TASP1: variants seen among roughly 807,000 people sequenced by gnomAD.
TASP1 encodes the protein threonine aspartase 1.
Under a neutral mutation model 56.6 loss-of-function variants are expected in TASP1, and 16 were observed. The ratio of observed to expected loss-of-function variants is 0.28; its 90% CI spans 0.19 to 0.43. The LOEUF is 0.43. Ranked by LOEUF, TASP1 falls within the 20% of genes least tolerant of loss-of-function variation. The probability of loss-of-function intolerance (pLI) is 1.00; values close to 1 mark genes in which losing one functional copy is unlikely to be tolerated. For missense variants in TASP1, 393 were observed against 511.6 expected, an observed-to-expected ratio of 0.77 and a Z score of 2.24; for synonymous variants, 179 against 184.2, an observed-to-expected ratio of 0.97 and a Z score of 0.23.
intron 4 of TASP1, among the ~76,000 whole-genome samples, chr20:13,607,012 T>C (rs960716937): frequency 1.3e-5 from 2 of 152,114 alleles, no homozygotes; most frequent in Non-Finnish European, 2.9e-5. Context: ...TACAGGTTGC[T>C]CCTATAGAGA....
intron 11 of TASP1, among the ~76,000 whole-genome samples, chr20:13,458,766 G>C (rs1002092215): frequency 6.6e-6 from 1 of 152,164 alleles, no homozygotes; most frequent in South Asian, 2.1e-4. Flanking sequence ...GTTCATGTTA[G>C]TTAACGCCAC....
At chr20:13,378,987 C>G in the TASP1 span, among the ~76,000 whole-genome samples, 1 of 152,286 alleles carries the variant, frequency 6.6e-6, no homozygotes, top group Non-Finnish European at 1.5e-5. Context: ...TGAGATGGGT[C>G]TCCTGAATAC....
rs757522818 is a variant in TASP1, at chr20:13,526,497, C to T, written c.874+1936G>A. 3.7e-4 allele frequency among the ~76,000 whole-genome samples: 57 copies of T among 152,228 alleles called. No individual in the cohort carries two copies. The Middle Eastern group carries it at 0.02, about 55-fold the overall frequency. On this transcript the variant is annotated intron_variant, in intron 10 of 13. Coordinates refer to ENST00000337743, the MANE Select transcript of TASP1 (RefSeq NM_017714.3). Reference sequence around the variant, plus strand: ...CATTATGCATCAAGGTTTTCATGTGCCACCAATATTAAATTAAAATTTAAA... The same window carrying T: ...CATTATGCATCAAGGTTTTCATGTGTCACCAATATTAAATTAAAATTTAAA...
intron 2 of TASP1, among the ~76,000 whole-genome samples, chr20:13,626,730 G>T (rs1215664350): frequency 6.6e-6 from 1 of 152,180 alleles, no homozygotes; most frequent in Admixed American, 6.5e-5. Flanking sequence ...GGTTCTCTAA[G>T]AACAGGTGAT....
At chr20:13,215,378 C>A in the TASP1 span, among the ~76,000 whole-genome samples, 1 of 152,192 alleles carries the variant, frequency 6.6e-6, no homozygotes, top group Non-Finnish European at 1.5e-5. Flanking sequence ...ATGCACTTTT[C>A]TCCCCCAGTT....
intron 13 of TASP1, among the ~76,000 whole-genome samples, chr20:13,410,777 G>C (rs1291625573): frequency 6.6e-6 from 1 of 152,024 alleles, no homozygotes; most frequent in East Asian, 1.9e-4. Flanking sequence ...TCAACTGGTT[G>C]TCTGCTCATT....
chr20:13,298,884 C>T, the TASP1 span: 1 of 1,560,130 alleles, frequency 6.4e-7, no homozygotes, highest in Non-Finnish European at 8.7e-7. Context: ...CTCCTTGAAG[C>T]ACCTCCTGTG....
chr20:13,125,554 T>C, the TASP1 span, among the ~76,000 whole-genome samples: 1 of 152,204 alleles, frequency 6.6e-6, no homozygotes, highest in Non-Finnish European at 1.5e-5. Flanking sequence ...ATCAACAATG[T>C]GGGCTGGGCT....
chr20:13,154,816 C>A, the TASP1 span, among the ~76,000 whole-genome samples: 1 of 152,122 alleles, frequency 6.6e-6, no homozygotes, highest in Admixed American at 6.5e-5. Context: ...TTGGCAGGGA[C>A]AATTTTATAC....
the TASP1 span, among the ~76,000 whole-genome samples, chr20:13,151,154 T>C: frequency 1.3e-5 from 2 of 152,236 alleles, no homozygotes; most frequent in Admixed American, 1.3e-4. Flanking sequence ...TACCAACCAA[T>C]GGCTTACTCT....
the TASP1 span, among the ~76,000 whole-genome samples, chr20:13,224,322 A>G: frequency 7.2e-5 from 11 of 152,238 alleles, no homozygotes; most frequent in Non-Finnish European, 1.3e-4. Flanking sequence ...TGAAGGTATT[A>G]TAAGTCAAAA....
chr20:13,554,473 T>C, intron 8 of TASP1, among the ~76,000 whole-genome samples: 1 of 152,176 alleles, frequency 6.6e-6, no homozygotes, highest in Non-Finnish European at 1.5e-5. Flanking sequence ...AATTTGTATT[T>C]CTACTTGTAC....
chr20:13,266,407 G>C, the TASP1 span, among the ~76,000 whole-genome samples: 1 of 152,170 alleles, frequency 6.6e-6, no homozygotes, highest in Non-Finnish European at 1.5e-5. Flanking sequence ...AGCAATGGAA[G>C]AGTTCATGTG....
At chr20:13,342,027 T>C in the TASP1 span, among the ~76,000 whole-genome samples, 2 of 152,158 alleles carry the variant, frequency 1.3e-5, no homozygotes, top group Non-Finnish European at 2.9e-5. Context: ...TCTGCCACAT[T>C]TGATTAGTCA....
the TASP1 span, among the ~76,000 whole-genome samples, chr20:13,108,069 G>A: frequency 6.6e-6 from 1 of 152,016 alleles, no homozygotes; most frequent in Non-Finnish European, 1.5e-5. Flanking sequence ...CTGAATTTCA[G>A]GACCCGATAC....
chr20:13,185,546 C>G, the TASP1 span, among the ~76,000 whole-genome samples: 1 of 152,106 alleles, frequency 6.6e-6, no homozygotes, highest in East Asian at 1.9e-4. Flanking sequence ...GGAATAATGG[C>G]AGAATTGTCC....
intron 4 of TASP1, among the ~76,000 whole-genome samples, chr20:13,600,059 C>G (rs2047896613): frequency 6.6e-6 from 1 of 151,828 alleles, no homozygotes; most frequent in Admixed American, 6.6e-5. Context: ...ACATGAAATA[C>G]TTGGGAATAA....
chr20:13,463,628 G>A (rs570321755), intron 11 of TASP1, among the ~76,000 whole-genome samples: 115 of 152,110 alleles, frequency 7.6e-4, no homozygotes, highest in Non-Finnish European at 1.2e-3. Flanking sequence ...TTAATATCCA[G>A]AATATACAAA....
the TASP1 span, among the ~76,000 whole-genome samples, chr20:13,137,252 GAAGTACTC>G: frequency 1.3e-5 from 2 of 152,182 alleles, no homozygotes; most frequent in African/African-American, 4.8e-5. Context: ...GATGAGTTGG[GAAGTACTC>G]AAAGCTTTCC....
Sources: gnomAD v4.1 joint callset for allele counts (sites outside exome capture counted in the v4.1 genomes callset) on GRCh38, gnomAD v4.1.1 for gene constraint, MANE v1.5 for transcripts, NCBI Gene and HGNC (gene_info 2026-07-23, HGNC 2026-07-21) for gene names.